FSTL5: variants seen among roughly 807,000 people sequenced by gnomAD.
The protein encoded by FSTL5 is follistatin-related protein 5.
A neutral mutation model predicts 89.1 loss-of-function variants in FSTL5; 62 were observed. The ratio of observed to expected loss-of-function variants is 0.70; its 90% CI spans 0.57 to 0.86. The LOEUF (loss-of-function observed/expected upper bound fraction) is 0.86. Ranked by LOEUF, FSTL5 falls within the 40% of genes least tolerant of loss-of-function variation. The pLI, the probability that FSTL5 is intolerant of heterozygous loss-of-function variation, is 0.00. For synonymous variants in FSTL5, 383 were observed against 346.2 expected, an observed-to-expected ratio of 1.11 and a Z score of -1.18; for missense variants, 1,057 against 1,001.6, an observed-to-expected ratio of 1.06 and a Z score of -0.75.
intron 7 of FSTL5, among the ~76,000 whole-genome samples, chr4:161,603,531 C>T (rs561565426): frequency 6.6e-6 from 1 of 152,232 alleles, no homozygotes; most frequent in African/African-American, 2.4e-5. Flanking sequence ...TGATGGCACC[C>T]TAATCTGAGA....
intron 2 of FSTL5, among the ~76,000 whole-genome samples, chr4:162,077,084 A>G (rs1331868556): frequency 1.3e-5 from 2 of 151,816 alleles, no homozygotes; most frequent in East Asian, 3.9e-4. Flanking sequence ...TCACTAGGTA[A>G]TTTATAACAA....
intron 3 of FSTL5, among the ~76,000 whole-genome samples, chr4:161,960,162 ATTTTT>A (rs34848383): frequency 3.6e-3 from 352 of 98,388 alleles, no homozygotes; most frequent in Middle Eastern, 0.017. Flanking sequence ...TTTTAATGTA[ATTTTT>A]TTTTTTTTTT....
chr4:161,461,117 A>G (rs1733554066), intron 13 of FSTL5, among the ~76,000 whole-genome samples: 1 of 151,838 alleles, frequency 6.6e-6, no homozygotes, highest in African/African-American at 2.4e-5. Flanking sequence ...TGAGGATATT[A>G]AGCCTCTAGT....
intron 6 of FSTL5, among the ~76,000 whole-genome samples, chr4:161,704,025 C>A (rs1738488361): frequency 6.6e-6 from 1 of 152,128 alleles, no homozygotes. Context: ...AAAAATAAAT[C>A]TTGGGTCCCC....
chr4:161,758,434 G>A (rs1250978064), intron 6 of FSTL5, among the ~76,000 whole-genome samples: 9 of 151,776 alleles, frequency 5.9e-5, no homozygotes, highest in Non-Finnish European at 1.0e-4. Flanking sequence ...AATTTACTTT[G>A]TCTTTCTTTC....
At chr4:161,650,938 C>T (rs1417604412) in intron 7 of FSTL5, among the ~76,000 whole-genome samples, 1 of 152,126 alleles carries the variant, frequency 6.6e-6, no homozygotes, top group Non-Finnish European at 1.5e-5. Context: ...CTATGCAACT[C>T]CTTCCTGACA....
intron 4 of FSTL5, among the ~76,000 whole-genome samples, chr4:161,803,356 A>C (rs1729858180): frequency 6.6e-6 from 1 of 151,968 alleles, no homozygotes; most frequent in African/African-American, 2.4e-5. Flanking sequence ...CTTTGAAGAT[A>C]ATATATCCTG....
intron 4 of FSTL5, among the ~76,000 whole-genome samples, chr4:161,853,863 C>T (rs1470812001): frequency 6.6e-6 from 1 of 152,134 alleles, no homozygotes. Flanking sequence ...TTAGATAAGA[C>T]TATCTAGAGT....
rs544696129 is a variant in FSTL5, at chr4:161,661,735, A to AT, written c.728-5242_728-5241insA. Among the ~76,000 whole-genome samples the AT allele has an allele frequency of 6.0e-3, 916 of 152,302 alleles. 9 individuals are homozygous for AT. The highest frequency in any genetic ancestry group is 0.045 in the South Asian group (219 of 4,828). On this transcript the variant is annotated intron_variant, in intron 6 of 15. Coordinates refer to ENST00000306100, the MANE Select transcript of FSTL5 (RefSeq NM_020116.5). ...TAAATGTCTACCTGTTAAATATTATAGCTTTTATTATAATTGGTCTTATAA... is the reference window on the plus strand; with the variant it reads ...TAAATGTCTACCTGTTAAATATTATATGCTTTTATTATAATTGGTCTTATAA...
chr4:161,743,979 G>A (rs1012817928), intron 6 of FSTL5, among the ~76,000 whole-genome samples: 2 of 152,122 alleles, frequency 1.3e-5, no homozygotes, highest in South Asian at 2.1e-4. Flanking sequence ...AATTCAATAT[G>A]TGAGTTTACT....
intron 7 of FSTL5, among the ~76,000 whole-genome samples, chr4:161,630,288 C>T (rs957488524): frequency 2.0e-5 from 3 of 152,200 alleles, no homozygotes; most frequent in African/African-American, 7.2e-5. Context: ...TGCCAGCTCT[C>T]ATTTAGCCTC....
chr4:162,163,795 A>G lies in FSTL5; in HGVS notation c.-197T>C. On this transcript the variant is annotated 5_prime_UTR_variant, in exon 1 of 16. Coordinates refer to ENST00000306100, the MANE Select transcript of FSTL5 (RefSeq NM_020116.5). The stretch of plus-strand genomic sequence containing the variant: ...GAATGAGCGCCCAGGTGGCAAACAG[A>G]GGACTCTCTCCCACGTCCGATACCA... The G allele has an allele frequency of 6.6e-6, 1 of 152,362 alleles. No individual in the cohort carries two copies. 9.4% of individuals were successfully genotyped at this position (152,362 alleles called of 1,614,324 possible).
At chr4:162,081,706 A>G (rs1730103664) in intron 2 of FSTL5, among the ~76,000 whole-genome samples, 1 of 151,646 alleles carries the variant, frequency 6.6e-6, no homozygotes, top group Admixed American at 6.6e-5. Flanking sequence ...GAGCTCATCT[A>G]TAATATGACA....
chr4:161,546,706 T>C (rs1465910350), intron 8 of FSTL5, among the ~76,000 whole-genome samples: 1 of 152,004 alleles, frequency 6.6e-6, no homozygotes, highest in East Asian at 1.9e-4. Context: ...AACATTTAAA[T>C]ACATTTAATT....
chr4:161,440,939 T>G (rs1560896442), intron 15 of FSTL5, among the ~76,000 whole-genome samples: 3 of 152,286 alleles, frequency 2.0e-5, no homozygotes, highest in East Asian at 1.9e-4. Flanking sequence ...GCCTAATAAA[T>G]TTTGAGTGTC....
chr4:161,409,362 G>A (rs1159171797), intron 15 of FSTL5, among the ~76,000 whole-genome samples: 2 of 152,042 alleles, frequency 1.3e-5, no homozygotes, highest in African/African-American at 4.8e-5. Context: ...AGCAAATGCT[G>A]AGGGAATTAT....
chr4:161,431,371 T>TA (rs1409546614), intron 15 of FSTL5, among the ~76,000 whole-genome samples: 1 of 152,010 alleles, frequency 6.6e-6, no homozygotes, highest in Non-Finnish European at 1.5e-5. Context: ...ATTATTTATG[T>TA]AGTCAGTATT....
At chr4:161,744,996 C>T (rs561368910) in intron 6 of FSTL5, among the ~76,000 whole-genome samples, 1 of 150,786 alleles carries the variant, frequency 6.6e-6, no homozygotes, top group South Asian at 2.1e-4. Flanking sequence ...TTTATCGGAT[C>T]CAGAAGCAAA....
At chr4:161,577,438 G>C (rs1346955515) in intron 8 of FSTL5, among the ~76,000 whole-genome samples, 3 of 139,042 alleles carry the variant, frequency 2.2e-5, no homozygotes, top group Non-Finnish European at 4.5e-5. Context: ...CAGCAGCAAA[G>C]GATGGCAATC....
Sources: allele counts gnomAD v4.1 joint callset (sites outside exome capture counted in the v4.1 genomes callset), GRCh38; gene constraint gnomAD v4.1.1; transcripts MANE v1.5; gene names NCBI Gene and HGNC (gene_info 2026-07-23, HGNC 2026-07-21).